The following ZNF248 variants were observed in gnomAD, a reference collection of about 807,000 sequenced individuals.
The protein encoded by ZNF248 is KRAB protein domain.
ZNF248 carries 20 observed loss-of-function variants against 44.3 expected under a neutral mutation model. That is an observed-to-expected ratio of 0.45 (90% CI 0.32 to 0.66). ZNF248 has a LOEUF of 0.66. Among genes scored for constraint, ZNF248 ranks in the 30% least tolerant of loss-of-function variants. ZNF248 has a pLI of 0.04. For missense variants in ZNF248, 654 were observed against 677.0 expected (o/e 0.97, Z 0.38); for synonymous variants, 224 against 229.0 (o/e 0.98, Z 0.20).
At chr10:37,781,311 C>G (rs1754464325) in intron 6 of ZNF248, among the ~76,000 whole-genome samples, 1 of 152,148 alleles carries the variant, frequency 6.6e-6, no homozygotes, top group South Asian at 2.1e-4. Context: ...GGACTACCTG[C>G]TGTTATAATG....
chr10:37,767,513 C>T, the ZNF248 span, among the ~76,000 whole-genome samples: 1 of 152,252 alleles, frequency 6.6e-6, no homozygotes, highest in Admixed American at 6.5e-5. Flanking sequence ...AATTTCATAT[C>T]CAGCCAAACT....
downstream of ZNF248, among the ~76,000 whole-genome samples, chr10:37,773,791 C>T (rs1210766566): frequency 6.6e-6 from 1 of 152,072 alleles, no homozygotes; most frequent in Non-Finnish European, 1.5e-5. Context: ...CTCATTTTAA[C>T]CTAATTATCT....
At chr10:37,819,322 A>G in intron 6 of ZNF248, 7 of 1,071,498 alleles carry the variant, frequency 6.5e-6, no homozygotes, top group South Asian at 1.3e-5. Flanking sequence ...TATCCAGTGA[A>G]AAGTAATCAT....
At position 37,831,906 on chromosome 10, in the gene ZNF248, C is replaced by G; in HGVS notation, c.1449G>C (p.Gln483His). 6.2e-7 allele frequency: 1 copy of G among 1,614,056 alleles called. No homozygotes were observed. Among genetic ancestry groups the G allele is most frequent in the South Asian group, 1.1e-5 (1 of 91,076 alleles). Reference protein sequence around the residue: ...FCHRSALTVHQRTHTGEKPFI... With the variant: ...FCHRSALTVHHRTHTGEKPFI... ...ACGGTTTCTCCCCTGTGTGTGTTCT[C>G]TGATGCACAGTGAGGGCTGATCTGT... is the stretch of plus-strand genomic sequence containing the variant. The change falls in exon 6 of 6, where the codon CAG becomes CAC. Residue 483 changes from glutamine to histidine, a missense_variant. Transcript: ENST00000395867.
At chr10:37,766,479 T>C in the ZNF248 span, among the ~76,000 whole-genome samples, 10 of 152,162 alleles carry the variant, frequency 6.6e-5, no homozygotes, top group African/African-American at 2.4e-4. Flanking sequence ...GCCACCACTG[T>C]TCTGCAGCCA....
At chr10:37,764,262 C>T in the ZNF248 span, among the ~76,000 whole-genome samples, 1 of 152,096 alleles carries the variant, frequency 6.6e-6, no homozygotes, top group Non-Finnish European at 1.5e-5. Context: ...TGAAATAAGC[C>T]CCGGTCTCCC....
At chr10:37,781,150 CCT>C (rs2047271459) in intron 6 of ZNF248, among the ~76,000 whole-genome samples, 1 of 152,130 alleles carries the variant, frequency 6.6e-6, no homozygotes, top group Non-Finnish European at 1.5e-5. Flanking sequence ...ACTACCATGT[CCT>C]GTGTGATGGT....
the ZNF248 span, among the ~76,000 whole-genome samples, chr10:37,769,399 C>G: frequency 6.6e-6 from 1 of 152,144 alleles, no homozygotes; most frequent in African/African-American, 2.4e-5. Flanking sequence ...CCGAATCCAG[C>G]AGCACATCAA....
intron 6 of ZNF248, chr10:37,791,463 G>A (rs575409170): frequency 2.0e-5 from 3 of 152,130 alleles, no homozygotes; most frequent in African/African-American, 4.8e-5. Context: ...AGGTATATTC[G>A]TTTTCAGGTA....
rs1208731 is a variant in ZNF248, at chr10:37,831,714, C to T, written c.1641G>A (p.Pro547=). 120,678 of 1,613,788 alleles carry T rather than the reference C, an allele frequency of 0.075. 5,137 individuals carry two copies. The highest frequency in any genetic ancestry group is 0.087 in the Non-Finnish European group (102,959 of 1,179,836). Residue 547 remains proline (P), a synonymous_variant, in exon 6 of 6, where the codon CCG becomes CCA. Transcript: ENST00000395867. ...KHQRTHTGEK[P]YECNACGKTF... ...TCTTCCCACATGCATTACACTCATA[C>T]GGCTTCTCCCCTGTGTGAGTCCTCT...
At chr10:37,789,532 G>A (rs1385138082) in intron 6 of ZNF248, among the ~76,000 whole-genome samples, 1 of 152,150 alleles carries the variant, frequency 6.6e-6, no homozygotes, top group East Asian at 1.9e-4. Flanking sequence ...GCTTTCAAGG[G>A]ACAGGGCAAT....
chr10:37,854,474 G>A (rs1006774653), intron 3 of ZNF248, among the ~76,000 whole-genome samples: 3 of 152,154 alleles, frequency 2.0e-5, no homozygotes, highest in African/African-American at 7.2e-5. Context: ...ACACGAAAAC[G>A]TATTCAACCT....
intron 3 of ZNF248, among the ~76,000 whole-genome samples, chr10:37,851,388 T>C (rs2060200220): frequency 6.6e-6 from 1 of 152,186 alleles, no homozygotes; most frequent in African/African-American, 2.4e-5. Context: ...ATCGGCCATT[T>C]ATTTGCTTTC....
the ZNF248 span, among the ~76,000 whole-genome samples, chr10:37,770,172 C>T: frequency 6.6e-6 from 1 of 152,162 alleles, no homozygotes; most frequent in Non-Finnish European, 1.5e-5. Flanking sequence ...TAGGAAGAAT[C>T]AATATTGTGA....
At chr10:37,814,905 T>C (rs1318612504) in intron 6 of ZNF248, among the ~76,000 whole-genome samples, 1 of 152,222 alleles carries the variant, frequency 6.6e-6, no homozygotes, top group Non-Finnish European at 1.5e-5. Flanking sequence ...GTTTATTGTG[T>C]TTCTTCTAGG....
At chr10:37,769,225 C>T in the ZNF248 span, among the ~76,000 whole-genome samples, 2 of 152,164 alleles carry the variant, frequency 1.3e-5, no homozygotes, top group African/African-American at 4.8e-5. Flanking sequence ...CCTTCTGAAA[C>T]TATTCCAATC....
chr10:37,831,389 C>G lies in ZNF248; in HGVS notation c.*226G>C. ...TTGGTATCACGTCTGGAATATAACA[C>G]TAAACAACATAAATTCCAGATAAAT... On this transcript the variant is annotated 3_prime_UTR_variant, in exon 6 of 6. Transcript: ENST00000395867. The G allele has an allele frequency of 6.5e-7, 1 of 1,534,088 alleles. No homozygotes were observed. The highest frequency in any genetic ancestry group is 8.8e-7 in the Non-Finnish European group (1 of 1,139,252).
At chr10:37,788,975 G>A (rs1022564999) in intron 6 of ZNF248, among the ~76,000 whole-genome samples, 3 of 151,832 alleles carry the variant, frequency 2.0e-5, no homozygotes, top group African/African-American at 4.8e-5. Flanking sequence ...GGGTTCAAGC[G>A]ATTCTCCCAC....
At chr10:37,794,091 TTC>T (rs1239174964) in intron 6 of ZNF248, among the ~76,000 whole-genome samples, 1 of 152,224 alleles carries the variant, frequency 6.6e-6, no homozygotes, top group East Asian at 1.9e-4. Flanking sequence ...ATTTCATCAG[TTC>T]TCTCATATAT....
Sources: gnomAD v4.1 joint callset for allele counts (sites outside exome capture counted in the v4.1 genomes callset) on GRCh38, gnomAD v4.1.1 for gene constraint, MANE v1.5 for transcripts, NCBI Gene and HGNC (gene_info 2026-07-23, HGNC 2026-07-21) for gene names.